The following NGLY1 variants were observed in gnomAD, a reference collection of about 807,000 sequenced individuals.
NGLY1 encodes peptide-N(4)-(N-acetyl-beta-glucosaminyl)asparagine amidase.
NGLY1 carries 68 observed loss-of-function variants against 84.6 expected under a neutral mutation model. The observed-to-expected ratio is 0.80, with a 90% CI of 0.66 to 0.98. The LOEUF (loss-of-function observed/expected upper bound fraction) is 0.98, where lower values mean the gene tolerates loss of function less well. Ranked by LOEUF, NGLY1 falls within the 50% of genes least tolerant of loss-of-function variation. The pLI is 0.00. For missense variants in NGLY1, 779 were observed against 770.2 expected (o/e 1.01, Z -0.14); for synonymous variants, 280 against 275.2 (o/e 1.02, Z -0.17).
rs748216121 is a variant in NGLY1 at position 25,751,132 on chromosome 3, T to C, written c.624A>G (p.Gln208=). 1.2e-6 allele frequency: 2 copies of C among 1,613,452 alleles called. No individual in the cohort carries two copies. Among genetic ancestry groups the C allele is most frequent in the Non-Finnish European group, 1.7e-6 (2 of 1,179,798 alleles). Residue 208 remains glutamine, a synonymous_variant, in exon 4 of 12, where the codon CAA becomes CAG. Transcript: ENST00000280700. ...IPVQELKRKS[Q]EKLSRARKLD... ...ATTTTCTAGCTCTCGATAACTTTTC[T>C]TGTGATTTCCTTTTTAGTTCTTGGA...
intron 3 of NGLY1, among the ~76,000 whole-genome samples, chr3:25,763,548 T>C (rs189108780): frequency 2.0e-5 from 3 of 152,290 alleles, no homozygotes; most frequent in African/African-American, 7.2e-5. Context: ...ATCACAAGAA[T>C]TTTTCTGACA....
At chr3:25,723,901 C>T (rs1336934796) in intron 10 of NGLY1, among the ~76,000 whole-genome samples, 3 of 152,136 alleles carry the variant, frequency 2.0e-5, no homozygotes, top group African/African-American at 4.8e-5. Context: ...ATATATACCA[C>T]CCAACCCCTC....
intron 3 of NGLY1, among the ~76,000 whole-genome samples, chr3:25,763,752 A>C (rs1707424123): frequency 6.6e-6 from 1 of 152,230 alleles, no homozygotes; most frequent in Non-Finnish European, 1.5e-5. Flanking sequence ...CTATCATTAA[A>C]TTAATGCATT....
intron 2 of NGLY1, among the ~76,000 whole-genome samples, chr3:25,773,535 A>G (rs1476695500): frequency 2.0e-5 from 3 of 151,984 alleles, no homozygotes; most frequent in Non-Finnish European, 4.4e-5. Context: ...CATATCCTGT[A>G]TCACTCTTTA....
intron 4 of NGLY1, among the ~76,000 whole-genome samples, chr3:25,745,260 T>C (rs1379484914): frequency 1.3e-5 from 2 of 152,188 alleles, no homozygotes; most frequent in African/African-American, 2.4e-5. Flanking sequence ...TTTCATCTCA[T>C]TTAATTTAAA....
intron 3 of NGLY1, chr3:25,754,889 T>G (rs1386168437): frequency 4.6e-6 from 3 of 654,042 alleles, no homozygotes; most frequent in Non-Finnish European, 8.4e-6. Context: ...AGACTACCAA[T>G]AGGCTCTCTC....
At chr3:25,776,574 C>G (rs1708164850) in intron 2 of NGLY1, among the ~76,000 whole-genome samples, 1 of 152,158 alleles carries the variant, frequency 6.6e-6, no homozygotes, top group Non-Finnish European at 1.5e-5. Flanking sequence ...TACTTGGCTT[C>G]TCTACTTGAA....
At chr3:25,727,263 G>A (rs1429762023) in intron 10 of NGLY1, among the ~76,000 whole-genome samples, 1 of 151,992 alleles carries the variant, frequency 6.6e-6, no homozygotes, top group Non-Finnish European at 1.5e-5. Flanking sequence ...AAAAAAAATG[G>A]TACCCTTCAT....
chr3:25,740,203 A>T (rs1437142581), intron 4 of NGLY1, among the ~76,000 whole-genome samples: 1 of 152,218 alleles, frequency 6.6e-6, no homozygotes, highest in Non-Finnish European at 1.5e-5. Context: ...ACACAAGTAA[A>T]CATGAAACAA....
chr3:25,720,977 A>G (rs576718165), intron 10 of NGLY1, among the ~76,000 whole-genome samples: 77 of 150,168 alleles, frequency 5.1e-4, no homozygotes, highest in African/African-American at 1.8e-3. Flanking sequence ...AATCTTGGAA[A>G]GAAACCCCTT....
intron 2 of NGLY1, among the ~76,000 whole-genome samples, chr3:25,771,676 T>C (rs187043463): frequency 6.6e-6 from 1 of 152,352 alleles, no homozygotes; most frequent in Admixed American, 6.5e-5. Context: ...GGGATGTGTT[T>C]CCATTTGTTT....
At chr3:25,733,466 CGTGTGTGTGTGTGTGTGTGT>C (rs60529800) in intron 8 of NGLY1, among the ~76,000 whole-genome samples, 14 of 134,124 alleles carry the variant, frequency 1.0e-4, no homozygotes, top group Non-Finnish European at 1.6e-4. Context: ...CTCACATGGA[CGTGTGTGTGTGTGTGTGTGT>C]GTGTGTGTGT....
Position 25,726,413 on chromosome 3 carries a change from T to G in NGLY1, c.1611+2720A>C, listed in dbSNP as rs1016924495. Among the ~76,000 whole-genome samples the G allele has an allele frequency of 9.8e-5, 15 of 152,320 alleles. No individual in the cohort carries two copies. The East Asian group carries it at 2.9e-3, about 29-fold the overall frequency. On this transcript the variant is annotated intron_variant, in intron 10 of 11. Coordinates refer to ENST00000280700, the MANE Select transcript of NGLY1 (RefSeq NM_018297.4). ...ATAATTTATTTTCATTTCTATTTGT[T>G]GAATACATGTCATGAAAGAGAGGTA...
chr3:25,769,372 A>T (rs778807572), intron 2 of NGLY1, among the ~76,000 whole-genome samples: 2 of 152,172 alleles, frequency 1.3e-5, no homozygotes, highest in Non-Finnish European at 1.5e-5. Flanking sequence ...AAAAATAATA[A>T]ATAAAAATAA....
chr3:25,768,056 T>C (rs894042971), intron 2 of NGLY1, among the ~76,000 whole-genome samples: 3 of 131,082 alleles, frequency 2.3e-5, no homozygotes, highest in Non-Finnish European at 3.1e-5. Context: ...GTGGTTGCAG[T>C]GAGCCAGGAT....
chr3:25,739,325 T>G (rs1706007031), intron 5 of NGLY1, among the ~76,000 whole-genome samples: 1 of 152,204 alleles, frequency 6.6e-6, no homozygotes, highest in Admixed American at 6.5e-5. Context: ...TCTGTCACCA[T>G]TATTCAACTC....
In NGLY1 at chr3:25,729,139, C is replaced by T; in HGVS notation, c.1605G>A (p.Trp535Ter). The change falls in exon 10 of 12, where the codon TGG becomes TGA. Residue 535 changes from tryptophan (W) to a stop codon, truncating the protein, a stop_gained. Coordinates refer to ENST00000280700, the MANE Select transcript of NGLY1 (RefSeq NM_018297.4). LOFTEE classifies it high-confidence loss of function. ...GTTTTATGCATTAAGTTACCATGTG[C>T]CAGTCTGTTTCAACTTTTCTGAATA... ...ESIFRKVETD[W>*]HMVYLARKEG... 1.3e-6 allele frequency: 2 copies of T among 1,493,308 alleles called. No individual in the cohort carries two copies. Among genetic ancestry groups the T allele is most frequent in the Non-Finnish European group, 1.8e-6 (2 of 1,111,666 alleles). 92.5% of individuals were successfully genotyped at this position (1,493,308 alleles called of 1,614,324 possible).
chr3:25,740,497 TA>T (rs1162505007), intron 4 of NGLY1, among the ~76,000 whole-genome samples: 1 of 152,100 alleles, frequency 6.6e-6, no homozygotes, highest in African/African-American at 2.4e-5. Flanking sequence ...AAAACATATA[TA>T]GGGGGTTCTC....
chr3:25,719,551 A>T lies in NGLY1; in HGVS notation c.1874T>A (p.Val625Asp), dbSNP rs757965768. The T allele has an allele frequency of 3.7e-6, 6 of 1,613,922 alleles. No homozygotes were observed. In the East Asian group the frequency reaches 1.1e-4, roughly 30 times the overall value. Residue 625 changes from valine to aspartate, a missense_variant, in exon 12 of 12, where the codon GTC becomes GAC. Coordinates refer to ENST00000280700, the MANE Select transcript of NGLY1 (RefSeq NM_018297.4). ...EAELSRGDGD[V>D]AWQHTQLFRQ... is the part of the protein sequence containing the mutation. ...AAACAGCTGGGTGTGTTGCCAAGCG[A>T]CATCACCATCTCCTCTGCTTAATTC...
Sources: allele counts gnomAD v4.1 joint callset (sites outside exome capture counted in the v4.1 genomes callset), GRCh38; gene constraint gnomAD v4.1.1; transcripts MANE v1.5; gene names NCBI Gene and HGNC (gene_info 2026-07-23, HGNC 2026-07-21).